The following ST3GAL3 variants were observed in gnomAD, a reference collection of about 807,000 sequenced individuals.
ST3GAL3 encodes CMP-N-acetylneuraminate-beta-1,4-galactoside alpha-2,3-sialyltransferase.
ST3GAL3 carries 21 observed loss-of-function variants against 50.1 expected under a neutral mutation model. The ratio of observed to expected loss-of-function variants is 0.42; its 90% CI spans 0.30 to 0.60. The LOEUF (loss-of-function observed/expected upper bound fraction) is 0.60. Ranked by LOEUF, ST3GAL3 falls within the 20% of genes least tolerant of loss-of-function variation. The pLI is 0.19. For synonymous variants in ST3GAL3, 183 were observed against 190.0 expected (o/e 0.96, Z 0.30); for missense variants, 353 against 489.4 (o/e 0.72, Z 2.63).
At chr1:43,752,909 A>G (rs1342035195) in intron 2 of ST3GAL3, among the ~76,000 whole-genome samples, 2 of 152,208 alleles carry the variant, frequency 1.3e-5, no homozygotes, top group East Asian at 1.9e-4. Context: ...TCTACAAACA[A>G]ATTTTAGAGG....
At chr1:43,775,779 A>C (rs1696994756) in intron 2 of ST3GAL3, among the ~76,000 whole-genome samples, 1 of 152,134 alleles carries the variant, frequency 6.6e-6, no homozygotes, top group South Asian at 2.1e-4. Flanking sequence ...CCAAGGACAC[A>C]AACCAGGAGT....
chr1:43,723,877 G>A (rs1236567691), intron 1 of ST3GAL3, among the ~76,000 whole-genome samples: 13 of 152,194 alleles, frequency 8.5e-5, no homozygotes, highest in Non-Finnish European at 7.3e-5. Flanking sequence ...CTCCCAAAGT[G>A]CTGGGATTAC....
rs558814572 is a variant in ST3GAL3 at position 43,726,034 on chromosome 1, G to A, written c.-30-10199G>A. On this transcript the variant is annotated intron_variant, in intron 1 of 11. Transcript: ENST00000347631. ...TTTTAAGTTTATGCAGCCATTTAAAGTGGCTGCATAAACTCTCATTTAGAT... is the reference window on the plus strand; with the variant it reads ...TTTTAAGTTTATGCAGCCATTTAAAATGGCTGCATAAACTCTCATTTAGAT... 2.8e-3 allele frequency among the ~76,000 whole-genome samples: 425 copies of A among 152,132 alleles called. 1 individual carries two copies. The highest frequency in any genetic ancestry group is 0.014 in the South Asian group (65 of 4,810).
intron 1 of ST3GAL3, among the ~76,000 whole-genome samples, chr1:43,728,695 G>A (rs1558034500): frequency 6.6e-6 from 1 of 152,166 alleles, no homozygotes; most frequent in African/African-American, 2.4e-5. Flanking sequence ...AGGTTGCAGT[G>A]AGGTATGATC....
intron 5 of ST3GAL3, among the ~76,000 whole-genome samples, chr1:43,856,944 T>A (rs1004767141): frequency 4.5e-5 from 6 of 132,818 alleles, no homozygotes; most frequent in Non-Finnish European, 7.6e-5. Context: ...AGTTGTGGGA[T>A]TTTTTTTTTT....
intron 2 of ST3GAL3, among the ~76,000 whole-genome samples, chr1:43,751,891 C>T (rs1284737372): frequency 1.3e-5 from 2 of 151,976 alleles, no homozygotes; most frequent in African/African-American, 4.8e-5. Context: ...GCGATCTCGG[C>T]TCACTGCAAC....
At chr1:43,719,017 C>A (rs1668963555) in intron 1 of ST3GAL3, 1 of 152,090 alleles carries the variant, frequency 6.6e-6, no homozygotes, top group Non-Finnish European at 1.5e-5. Flanking sequence ...GAGTACCTGG[C>A]CAGTGACAAA....
chr1:43,897,057 G>A (rs573936359), intron 6 of ST3GAL3, among the ~76,000 whole-genome samples: 2 of 138,350 alleles, frequency 1.4e-5, no homozygotes, highest in Admixed American at 1.4e-4. Flanking sequence ...TTTAATGGCT[G>A]TATAGGATTT....
chr1:43,818,388 G>A (rs2061676592), intron 4 of ST3GAL3, among the ~76,000 whole-genome samples: 2 of 152,132 alleles, frequency 1.3e-5, no homozygotes, highest in South Asian at 4.1e-4. Context: ...GGTGATCCAG[G>A]GAACCTCAAA....
intron 4 of ST3GAL3, among the ~76,000 whole-genome samples, chr1:43,829,358 G>T (rs1573803079): frequency 6.6e-6 from 1 of 152,174 alleles, no homozygotes; most frequent in South Asian, 2.1e-4. Context: ...CTGAATAATT[G>T]TTAGTTACAT....
intron 5 of ST3GAL3, among the ~76,000 whole-genome samples, chr1:43,845,539 A>C (rs1009062720): frequency 1.3e-5 from 2 of 152,000 alleles, no homozygotes; most frequent in Non-Finnish European, 2.9e-5. Context: ...TCTTAAATTC[A>C]TCTGATTTGA....
chr1:43,837,978 C>G (rs1012775252), intron 4 of ST3GAL3, among the ~76,000 whole-genome samples: 3 of 151,860 alleles, frequency 2.0e-5, no homozygotes, highest in African/African-American at 7.3e-5. Flanking sequence ...AAACTTGATT[C>G]AAGGTTTAAA....
chr1:43,898,132 A>G (rs2077659796), intron 6 of ST3GAL3, 103 bp from the exon 7 acceptor site: 1 of 1,263,336 alleles, frequency 7.9e-7, no homozygotes, highest in South Asian at 1.2e-5. Context: ...TTCCACTTTC[A>G]CTCTAGCCCC....
At chr1:43,797,005 A>G (rs1353664532) in intron 3 of ST3GAL3, among the ~76,000 whole-genome samples, 1 of 152,190 alleles carries the variant, frequency 6.6e-6, no homozygotes, top group Non-Finnish European at 1.5e-5. Context: ...GCAACATTGC[A>G]GAGAACTCTT....
Position 43,807,273 on chromosome 1 carries a change from G to A in ST3GAL3, c.167-7618G>A, listed in dbSNP as rs968487510. Among the ~76,000 whole-genome samples the A allele has an allele frequency of 2.6e-5, 4 of 152,048 alleles. No individual in the cohort carries two copies. In the South Asian group the frequency reaches 8.3e-4, roughly 32 times the overall value. ...CTCTATTAAAATACAAAAATTAGCC[G>A]GGCGTGGTGGCACACCCCTGTAATC... On this transcript the variant is annotated intron_variant, in intron 3 of 11. Coordinates refer to ENST00000347631, the MANE Select transcript of ST3GAL3 (RefSeq NM_006279.5).
intron 9 of ST3GAL3, among the ~76,000 whole-genome samples, chr1:43,911,628 GATATCTATAT>G (rs1207075460): frequency 7.6e-6 from 1 of 131,884 alleles, no homozygotes; most frequent in Non-Finnish European, 1.7e-5. Flanking sequence ...TATATCTATA[GATATCTATAT>G]CTATAGATAT....
chr1:43,770,165 A>G (rs1694530951), intron 2 of ST3GAL3, among the ~76,000 whole-genome samples: 1 of 149,474 alleles, frequency 6.7e-6, no homozygotes, highest in South Asian at 2.2e-4. Flanking sequence ...CTCTAGTAAA[A>G]GTCTTTGTAA....
At chr1:43,761,717 A>G (rs1021439677) in intron 2 of ST3GAL3, among the ~76,000 whole-genome samples, 1 of 151,726 alleles carries the variant, frequency 6.6e-6, no homozygotes, top group Admixed American at 6.6e-5. Flanking sequence ...TTGGGAGGCC[A>G]AGGTGGGCGG....
intron 1 of ST3GAL3, among the ~76,000 whole-genome samples, chr1:43,730,576 T>C (rs1312512874): frequency 1.6e-4 from 24 of 148,422 alleles, no homozygotes; most frequent in African/African-American, 4.2e-4. Flanking sequence ...TCTTTCTTTT[T>C]TTTTTTTTTT....
Sources: allele counts gnomAD v4.1 joint callset (sites outside exome capture counted in the v4.1 genomes callset), GRCh38; gene constraint gnomAD v4.1.1; transcripts MANE v1.5; gene names NCBI Gene and HGNC (gene_info 2026-07-23, HGNC 2026-07-21).